PLCB1: variants seen among roughly 807,000 people sequenced by gnomAD.
The protein encoded by PLCB1 is 1-phosphatidylinositol 4,5-bisphosphate phosphodiesterase beta-1.
Under a neutral mutation model 161.8 loss-of-function variants are expected in PLCB1, and 46 were observed. That is an observed-to-expected ratio of 0.28 (90% CI 0.22 to 0.36). The LOEUF (loss-of-function observed/expected upper bound fraction) is 0.36. Ranked by LOEUF, PLCB1 falls within the 10% of genes least tolerant of loss-of-function variation. The pLI is 1.00. For synonymous variants in PLCB1, 517 were observed against 503.7 expected (o/e 1.03, Z -0.35); for missense variants, 1,016 against 1,472.5 (o/e 0.69, Z 5.07).
intron 4 of PLCB1, among the ~76,000 whole-genome samples, chr20:8,629,637 C>A (rs1988464329): frequency 1.3e-5 from 2 of 152,100 alleles, no homozygotes; most frequent in African/African-American, 4.8e-5. Flanking sequence ...AATATATGTG[C>A]CTTACAGAGC....
chr20:8,359,726 C>T (rs1005987), intron 2 of PLCB1, among the ~76,000 whole-genome samples: 20,966 of 152,044 alleles, frequency 0.14, 1,780 homozygotes, highest in Non-Finnish European at 0.19. Flanking sequence ...CGTATTGTGA[C>T]TGAGAACCCC....
chr20:8,307,901 C>T (rs1489171288), intron 2 of PLCB1, among the ~76,000 whole-genome samples: 1 of 151,866 alleles, frequency 6.6e-6, no homozygotes, highest in East Asian at 1.9e-4. Context: ...CCAGCCTGGG[C>T]AACAGAGCAA....
At chr20:8,837,129 C>A (rs528767349) in intron 31 of PLCB1, among the ~76,000 whole-genome samples, 14 of 152,286 alleles carry the variant, frequency 9.2e-5, no homozygotes, top group African/African-American at 2.9e-4. Context: ...TCTCCAGCCT[C>A]TTCTAAGGGG....
chr20:8,359,503 G>A (rs1470501911), intron 2 of PLCB1, among the ~76,000 whole-genome samples: 1 of 152,064 alleles, frequency 6.6e-6, no homozygotes, highest in Non-Finnish European at 1.5e-5. Flanking sequence ...TTGGAGATTA[G>A]GTAAACTGAT....
chr20:8,423,067 A>C (rs1200228801), intron 3 of PLCB1, among the ~76,000 whole-genome samples: 1 of 152,180 alleles, frequency 6.6e-6, no homozygotes, highest in Non-Finnish European at 1.5e-5. Context: ...AGCTAGCTGC[A>C]ACCACCGCAA....
At chr20:8,354,021 A>AC (rs1416431401) in intron 2 of PLCB1, among the ~76,000 whole-genome samples, 1 of 151,160 alleles carries the variant, frequency 6.6e-6, no homozygotes, top group African/African-American at 2.4e-5. Context: ...GGCTATTTAA[A>AC]AAAAAAAAAA....
chr20:8,813,935 A>T (rs1318458027), intron 31 of PLCB1, among the ~76,000 whole-genome samples: 1 of 152,212 alleles, frequency 6.6e-6, no homozygotes, highest in Non-Finnish European at 1.5e-5. Flanking sequence ...AGCGGAATTC[A>T]TAGGTGAATG....
chr20:8,793,210 G>T (rs548509736), intron 31 of PLCB1, among the ~76,000 whole-genome samples: 1 of 152,192 alleles, frequency 6.6e-6, no homozygotes, highest in Non-Finnish European at 1.5e-5. Flanking sequence ...GAGTGATTTC[G>T]TGACATCTAG....
chr20:8,833,817 A>G (rs1986133075), intron 31 of PLCB1, among the ~76,000 whole-genome samples: 1 of 152,196 alleles, frequency 6.6e-6, no homozygotes, highest in Non-Finnish European at 1.5e-5. Context: ...TGTTTCCTCC[A>G]TTTATTCATA....
intron 9 of PLCB1, among the ~76,000 whole-genome samples, chr20:8,659,837 C>G (rs577373215): frequency 1.1e-4 from 16 of 151,932 alleles, no homozygotes; most frequent in Admixed American, 4.6e-4. Context: ...ATTAAAAATA[C>G]AAAAATTAGT....
At chr20:8,495,388 CTTTTTTTTTTTTTT>C (rs869173548) in intron 3 of PLCB1, among the ~76,000 whole-genome samples, 1 of 94,364 alleles carries the variant, frequency 1.1e-5, no homozygotes, top group South Asian at 3.6e-4. Flanking sequence ...ACCTTCCTTT[CTTTTTTTTTTTTTT>C]TTTTTTTTTT....
At chr20:8,682,258 T>G (rs1394906632) in intron 9 of PLCB1, among the ~76,000 whole-genome samples, 2 of 152,056 alleles carry the variant, frequency 1.3e-5, no homozygotes, top group Non-Finnish European at 2.9e-5. Context: ...CTCAGGACTT[T>G]GGGAGGCTGT....
At chr20:8,160,366 C>A (rs1389600765) in intron 2 of PLCB1, among the ~76,000 whole-genome samples, 1 of 152,180 alleles carries the variant, frequency 6.6e-6, no homozygotes, top group Non-Finnish European at 1.5e-5. Context: ...TTCAGCAACA[C>A]CACACTACTG....
At chr20:8,450,112 T>A (rs544161176) in intron 3 of PLCB1, among the ~76,000 whole-genome samples, 38 of 152,294 alleles carry the variant, frequency 2.5e-4, no homozygotes, top group Middle Eastern at 6.8e-3. Context: ...AGCCTAATGA[T>A]TTAGCATGAC....
intron 2 of PLCB1, among the ~76,000 whole-genome samples, chr20:8,301,438 C>G (rs1237167543): frequency 6.6e-6 from 1 of 152,068 alleles, no homozygotes; most frequent in African/African-American, 2.4e-5. Flanking sequence ...ATGCAAACAG[C>G]ATTAGTACAA....
intron 3 of PLCB1, among the ~76,000 whole-genome samples, chr20:8,390,245 C>G (rs1344749177): frequency 6.6e-6 from 1 of 152,088 alleles, no homozygotes; most frequent in Non-Finnish European, 1.5e-5. Context: ...TCTTTGGAGG[C>G]CTTTCTCCTC....
chr20:8,240,801 G>C (rs1441351935), intron 2 of PLCB1, among the ~76,000 whole-genome samples: 1 of 151,932 alleles, frequency 6.6e-6, no homozygotes, highest in Non-Finnish European at 1.5e-5. Flanking sequence ...TAGATTTCTA[G>C]TGTCTACATC....
At chr20:8,527,276 A>G (rs981293606) in intron 3 of PLCB1, among the ~76,000 whole-genome samples, 2 of 152,160 alleles carry the variant, frequency 1.3e-5, no homozygotes, top group Middle Eastern at 3.2e-3. Context: ...TGAGCTCACC[A>G]AATGGTGACC....
At chr20:8,877,227 G>A (rs1987812222) in intron 31 of PLCB1, among the ~76,000 whole-genome samples, 1 of 152,138 alleles carries the variant, frequency 6.6e-6, no homozygotes, top group African/African-American at 2.4e-5. Flanking sequence ...GTGATCTGTG[G>A]AGGACCATCT....
Sources: allele counts gnomAD v4.1 joint callset (sites outside exome capture counted in the v4.1 genomes callset), GRCh38; gene constraint gnomAD v4.1.1; transcripts MANE v1.5; gene names NCBI Gene and HGNC (gene_info 2026-07-23, HGNC 2026-07-21).